The following RALYL variants were observed in gnomAD, a reference collection of about 807,000 sequenced individuals.
RALYL encodes RNA-binding Raly-like protein.
A neutral mutation model predicts 35.1 loss-of-function variants in RALYL; 29 were observed. That is an observed-to-expected ratio of 0.83 (90% CI 0.61 to 1.13). The LOEUF (loss-of-function observed/expected upper bound fraction) is 1.13. RALYL is among the 50% of genes most tolerant of loss of function. RALYL has a pLI of 0.00. For missense variants in RALYL, 359 were observed against 360.4 expected, an observed-to-expected ratio of 1.00 and a Z score of 0.03; for synonymous variants, 120 against 127.6, an observed-to-expected ratio of 0.94 and a Z score of 0.40.
At chr8:84,738,298 CA>C (rs1002493808) in intron 2 of RALYL, among the ~76,000 whole-genome samples, 8 of 151,744 alleles carry the variant, frequency 5.3e-5, no homozygotes, top group African/African-American at 1.7e-4. Context: ...GTAAGAAGTA[CA>C]AAAAAAGTCC....
At chr8:84,567,358 C>G (rs1356160009) in intron 2 of RALYL, among the ~76,000 whole-genome samples, 2 of 151,750 alleles carry the variant, frequency 1.3e-5, no homozygotes, top group African/African-American at 4.8e-5. Flanking sequence ...CAAACTCACC[C>G]TCTACCACCC....
intron 1 of RALYL, among the ~76,000 whole-genome samples, chr8:84,232,244 G>A (rs1474773199): frequency 6.6e-6 from 1 of 151,978 alleles, no homozygotes; most frequent in East Asian, 1.9e-4. Flanking sequence ...AGACAAATTT[G>A]ACTATATAAA....
chr8:84,792,551 C>T lies in RALYL; in HGVS notation c.333-12219C>T, dbSNP rs1330464609. Among the ~76,000 whole-genome samples, 14 of 152,174 alleles carry T rather than the reference C, an allele frequency of 9.2e-5. 1 individual carries two copies. Among genetic ancestry groups the T allele is most frequent in the Admixed American group, 7.8e-4 (12 of 15,288 alleles). ...AAATTTGGGCATGAAAACAGGAATG[C>T]CTTTTCTCATTTAGGGCCACGGGTT... On this transcript the variant is annotated intron_variant, in intron 3 of 8. Coordinates refer to ENST00000521268, the MANE Select transcript of RALYL (RefSeq NM_173848.7).
At chr8:84,603,896 C>A (rs1235343119) in intron 2 of RALYL, among the ~76,000 whole-genome samples, 1 of 152,026 alleles carries the variant, frequency 6.6e-6, no homozygotes, top group Non-Finnish European at 1.5e-5. Context: ...GAAACTTCAC[C>A]ACCACTGCTC....
chr8:84,680,254 G>A (rs1835144119), intron 2 of RALYL, among the ~76,000 whole-genome samples: 1 of 152,054 alleles, frequency 6.6e-6, no homozygotes, highest in East Asian at 1.9e-4. Context: ...TATCATTGTT[G>A]GACATTTGGC....
intron 2 of RALYL, among the ~76,000 whole-genome samples, chr8:84,657,484 T>G (rs1830169843): frequency 6.6e-6 from 1 of 152,214 alleles, no homozygotes; most frequent in Non-Finnish European, 1.5e-5. Context: ...AGCACTCATG[T>G]GCATACCTTT....
chr8:84,688,957 C>T (rs78936385), intron 2 of RALYL, among the ~76,000 whole-genome samples: 2,225 of 151,296 alleles, frequency 0.015, 63 homozygotes, highest in African/African-American at 0.05. Flanking sequence ...AACAGGTATA[C>T]GAAAAAAAAT....
intron 1 of RALYL, among the ~76,000 whole-genome samples, chr8:84,423,909 C>G (rs1479196954): frequency 6.6e-6 from 1 of 151,512 alleles, no homozygotes; most frequent in South Asian, 2.1e-4. Flanking sequence ...GGGTTTCTGC[C>G]GAGAGATCTG....
intron 1 of RALYL, among the ~76,000 whole-genome samples, chr8:84,243,020 G>A (rs1026637637): frequency 1.3e-5 from 2 of 152,094 alleles, no homozygotes; most frequent in East Asian, 1.9e-4. Flanking sequence ...TTTTATATAA[G>A]GTGTAAGGAA....
intron 2 of RALYL, among the ~76,000 whole-genome samples, chr8:84,569,175 T>C (rs1807280111): frequency 6.6e-6 from 1 of 151,960 alleles, no homozygotes; most frequent in African/African-American, 2.4e-5. Context: ...GTTTTTATGG[T>C]TTTAGGTCTA....
At chr8:84,311,744 C>A (rs1842859860) in intron 1 of RALYL, among the ~76,000 whole-genome samples, 1 of 152,102 alleles carries the variant, frequency 6.6e-6, no homozygotes, top group Non-Finnish European at 1.5e-5. Flanking sequence ...TGAAGGGAAG[C>A]TAGCCATGCT....
intron 1 of RALYL, among the ~76,000 whole-genome samples, chr8:84,379,586 A>C (rs1393098298): frequency 6.6e-6 from 1 of 151,892 alleles, no homozygotes; most frequent in Non-Finnish European, 1.5e-5. Flanking sequence ...TAATATTTAA[A>C]CTGCACTCTC....
chr8:84,790,277 A>G lies in RALYL; in HGVS notation c.333-14493A>G, dbSNP rs1023400730. ...GCCAAGACAGCCAAATTTTAGGGAC[A>G]AACCAAATTGGTGGCAAGAGAGATG... On this transcript the variant is annotated intron_variant, in intron 3 of 8. Coordinates refer to ENST00000521268, the MANE Select transcript of RALYL (RefSeq NM_173848.7). Among the ~76,000 whole-genome samples, 14 of 152,244 alleles carry G rather than the reference A, an allele frequency of 9.2e-5. 2 individuals are homozygous for G. In the South Asian group the frequency reaches 2.9e-3, roughly 31 times the overall value.
intron 2 of RALYL, among the ~76,000 whole-genome samples, chr8:84,649,152 A>G (rs1828141189): frequency 6.6e-6 from 1 of 152,084 alleles, no homozygotes; most frequent in Non-Finnish European, 1.5e-5. Flanking sequence ...AAACTCTTCT[A>G]TAAATCCCTT....
rs576281027 is a variant in RALYL at position 84,654,394 on chromosome 8, G to A, written c.257-120185G>A. ...TGTAATAATCACATCAGGGTAAATG[G>A]GATATCCGTCCACTCAAGCATTTAT... On this transcript the variant is annotated intron_variant, in intron 2 of 8. Transcript: ENST00000521268. 4.8e-5 allele frequency among the ~76,000 whole-genome samples: 7 copies of A among 145,258 alleles called. No homozygotes were observed. In the East Asian group the frequency reaches 1.5e-3, roughly 30 times the overall value.
chr8:84,205,314 G>C (rs1817808490), intron 1 of RALYL, among the ~76,000 whole-genome samples: 1 of 152,156 alleles, frequency 6.6e-6, no homozygotes, highest in Non-Finnish European at 1.5e-5. Context: ...AATAGCTGTT[G>C]TCTTTAGTTT....
At chr8:84,273,875 G>C (rs1045703207) in intron 1 of RALYL, among the ~76,000 whole-genome samples, 4 of 152,150 alleles carry the variant, frequency 2.6e-5, no homozygotes, top group African/African-American at 4.8e-5. Flanking sequence ...TCATGCTCCC[G>C]TGTAAATTGT....
Position 84,616,584 on chromosome 8 carries a change from C to A in RALYL, c.256+87007C>A, listed in dbSNP as rs1396978064. Among the ~76,000 whole-genome samples, 26 of 149,784 alleles carry A rather than the reference C, an allele frequency of 1.7e-4. No individual in the cohort carries two copies. The East Asian group carries it at 5.0e-3, about 29-fold the overall frequency. On this transcript the variant is annotated intron_variant, in intron 2 of 8. Coordinates refer to ENST00000521268, the MANE Select transcript of RALYL (RefSeq NM_173848.7). The stretch of plus-strand genomic sequence containing the variant: ...GGTAGTTTCTTTTGCTGTGCAGAAG[C>A]TCTTTAGTTTAATTAGATCCCATTT...
At chr8:84,817,531 TTTATTA>T (rs59809592) in intron 4 of RALYL, among the ~76,000 whole-genome samples, 3,592 of 147,470 alleles carry the variant, frequency 0.024, 138 homozygotes, top group African/African-American at 0.082. Flanking sequence ...TAACTAATCT[TTTATTA>T]TTATTATTAT....
Sources: gnomAD v4.1 joint callset for allele counts (sites outside exome capture counted in the v4.1 genomes callset) on GRCh38, gnomAD v4.1.1 for gene constraint, MANE v1.5 for transcripts, NCBI Gene and HGNC (gene_info 2026-07-23, HGNC 2026-07-21) for gene names.